The following MED12L variants were observed in gnomAD, a reference collection of about 807,000 sequenced individuals.
The protein encoded by MED12L is mediator complex subunit 12L, also known as mediator of RNA polymerase II transcription subunit 12-like protein.
MED12L carries 60 observed loss-of-function variants against 281.3 expected under a neutral mutation model. The observed-to-expected ratio is 0.21, with a 90% CI of 0.17 to 0.26. The LOEUF (loss-of-function observed/expected upper bound fraction) is 0.26, where lower values mean the gene tolerates loss of function less well. Among genes scored for constraint, MED12L ranks in the 10% least tolerant of loss-of-function variants. The probability of loss-of-function intolerance (pLI) is 1.00; values close to 1 mark genes in which losing one functional copy is unlikely to be tolerated. For missense variants in MED12L, 2,146 were observed against 2,680.9 expected (o/e 0.80, Z 4.41); for synonymous variants, 974 against 987.2 (o/e 0.99, Z 0.25).
Position 151,166,483 on chromosome 3 carries a change from A to G in MED12L, c.1494+501A>G, listed in dbSNP as rs143068582. Among the ~76,000 whole-genome samples the G allele has an allele frequency of 1.7e-3, 265 of 152,156 alleles. 2 individuals are homozygous for G. Among genetic ancestry groups the G allele is most frequent in the African/African-American group, 6.1e-3 (252 of 41,490 alleles). On this transcript the variant is annotated intron_variant, in intron 11 of 44. Coordinates refer to ENST00000687756, the MANE Select transcript of MED12L (RefSeq NM_001393769.1). ...TATGTGTATGCGTACATATATGTTT[A>G]TATCTACCTAGAGAGAGAAAGGGGG... is the stretch of plus-strand genomic sequence containing the variant.
intron 16 of MED12L, among the ~76,000 whole-genome samples, chr3:151,222,664 T>G (rs1161889218): frequency 1.3e-5 from 2 of 152,230 alleles, no homozygotes; most frequent in Non-Finnish European, 2.9e-5. Flanking sequence ...CCTCTTTCTT[T>G]TGTAAATTGC....
intron 16 of MED12L, among the ~76,000 whole-genome samples, chr3:151,241,348 A>G (rs922072328): frequency 5.3e-5 from 8 of 152,230 alleles, no homozygotes; most frequent in Non-Finnish European, 1.2e-4. Flanking sequence ...GCAAAAGGCA[A>G]GTAAGCCTAG....
At chr3:151,396,711 G>C (rs147200993) in intron 39 of MED12L, among the ~76,000 whole-genome samples, 433 of 152,182 alleles carry the variant, frequency 2.8e-3, no homozygotes, top group Non-Finnish European at 5.1e-3. Flanking sequence ...TTATCACAAG[G>C]CATAGTTTTT....
intron 2 of MED12L, among the ~76,000 whole-genome samples, chr3:151,091,803 G>C (rs1720083306): frequency 6.6e-6 from 1 of 152,194 alleles, no homozygotes; most frequent in East Asian, 1.9e-4. Context: ...CAGCCAAACA[G>C]CCTGGCTTTG....
intron 16 of MED12L, among the ~76,000 whole-genome samples, chr3:151,281,378 T>A (rs1176172241): frequency 3.3e-5 from 5 of 151,782 alleles, no homozygotes; most frequent in African/African-American, 1.2e-4. Flanking sequence ...CCACTGTACT[T>A]CAGCCTGGGC....
chr3:151,377,265 G>C, intron 30 of MED12L, 87 bp downstream of exon 30: 1 of 1,071,008 alleles, frequency 9.3e-7, no homozygotes, highest in East Asian at 2.5e-5. Flanking sequence ...TTTTCTTTAA[G>C]TCATAGGAAT....
chr3:151,165,836 C>G lies in MED12L; in HGVS notation c.1358-10C>G. On this transcript the variant is annotated splice_polypyrimidine_tract_variant and intron_variant, in intron 10 of 44. Coordinates refer to ENST00000687756, the MANE Select transcript of MED12L (RefSeq NM_001393769.1). ...GCCTCATTAACCACTTGTTTAATTT[C>G]TGCCTATAGGGGTGACTATTAGTCG... 1 of 1,607,722 alleles carries G rather than the reference C, an allele frequency of 6.2e-7. No homozygotes were observed. Among genetic ancestry groups the G allele is most frequent in the Non-Finnish European group, 8.5e-7 (1 of 1,177,860 alleles).
intron 16 of MED12L, chr3:151,338,368 T>C (rs1207351573): frequency 2.5e-6 from 4 of 1,614,140 alleles, no homozygotes; most frequent in East Asian, 2.2e-5. Flanking sequence ...GTCAGAATCA[T>C]GTTAGGCAAA....
intron 2 of MED12L, among the ~76,000 whole-genome samples, chr3:151,094,735 G>A (rs560090623): frequency 6.6e-6 from 1 of 152,312 alleles, no homozygotes; most frequent in South Asian, 2.1e-4. Flanking sequence ...TGGGGGATAG[G>A]ATTAAGGATG....
chr3:151,132,829 A>G (rs1715591613), intron 5 of MED12L, among the ~76,000 whole-genome samples: 2 of 152,212 alleles, frequency 1.3e-5, no homozygotes, highest in South Asian at 2.1e-4. Flanking sequence ...CAGCTTTTTC[A>G]ACTTTTAAAA....
intron 16 of MED12L, among the ~76,000 whole-genome samples, chr3:151,261,728 G>T (rs1577161901): frequency 1.7e-5 from 2 of 121,092 alleles, no homozygotes; most frequent in South Asian, 2.5e-4. Context: ...TTTTGTTTTT[G>T]TTGTGTTGTG....
At chr3:151,188,201 T>G in intron 12 of MED12L, 153 bp from the exon 13 acceptor site, 1 of 520,578 alleles carries the variant, frequency 1.9e-6, no homozygotes, top group Non-Finnish European at 3.3e-6. Context: ...TATATTCACC[T>G]GAGGTGCATG....
intron 16 of MED12L, among the ~76,000 whole-genome samples, chr3:151,205,461 AT>A (rs1726217727): frequency 6.6e-6 from 1 of 152,266 alleles, no homozygotes. Context: ...TTGAACACAA[AT>A]ACCAAACAAC....
chr3:151,313,991 T>TTGAAAACAAC (rs1747900142), intron 16 of MED12L, among the ~76,000 whole-genome samples: 1 of 152,200 alleles, frequency 6.6e-6, no homozygotes, highest in East Asian at 1.9e-4. Flanking sequence ...ATGTATATGC[T>TTGAAAACAAC]AATTATTGTT....
intron 5 of MED12L, among the ~76,000 whole-genome samples, chr3:151,142,741 A>G (rs1306046973): frequency 6.6e-6 from 1 of 152,010 alleles, no homozygotes; most frequent in Non-Finnish European, 1.5e-5. Context: ...TAACCTTTTA[A>G]TGACTTATTT....
chr3:151,089,954 A>G (rs902069599), intron 2 of MED12L, among the ~76,000 whole-genome samples: 3 of 152,204 alleles, frequency 2.0e-5, no homozygotes, highest in African/African-American at 4.8e-5. Context: ...TATATTTCCA[A>G]TCCACCAGAT....
At chr3:151,295,235 G>A (rs759878437) in intron 16 of MED12L, 1 of 1,534,070 alleles carries the variant, frequency 6.5e-7, no homozygotes, top group East Asian at 2.3e-5. Context: ...GGGGAGATAG[G>A]ACTTCAGTGC....
intron 21 of MED12L, among the ~76,000 whole-genome samples, chr3:151,364,423 T>C (rs189277672): frequency 6.6e-6 from 1 of 152,300 alleles, no homozygotes; most frequent in East Asian, 1.9e-4. Context: ...AATTTGTGTA[T>C]TATCCATATC....
rs747166882 is a variant in MED12L, at chr3:151,357,380, G to A, written c.2825+4G>A. The A allele has an allele frequency of 6.4e-7, 1 of 1,574,352 alleles. No individual in the cohort carries two copies. Among genetic ancestry groups the A allele is most frequent in the Non-Finnish European group, 8.6e-7 (1 of 1,160,546 alleles). On this transcript the variant is annotated splice_donor_region_variant and intron_variant, in intron 20 of 44. Coordinates refer to ENST00000687756, the MANE Select transcript of MED12L (RefSeq NM_001393769.1). ...AGACAGCCCAGGTGTTTGAAGGGTT[G>A]GTATATAGCATGTCATTGTTGTTTT...
Sources: allele counts gnomAD v4.1 joint callset (sites outside exome capture counted in the v4.1 genomes callset), GRCh38; gene constraint gnomAD v4.1.1; transcripts MANE v1.5; gene names NCBI Gene and HGNC (gene_info 2026-07-23, HGNC 2026-07-21).